EEA1: variants seen among roughly 807,000 people sequenced by gnomAD.
EEA1 encodes early endosome antigen 1.
Under a neutral mutation model 209.2 loss-of-function variants are expected in EEA1, and 111 were observed. The ratio of observed to expected loss-of-function variants is 0.53; its 90% CI spans 0.45 to 0.62. The LOEUF (loss-of-function observed/expected upper bound fraction) is 0.62, where lower values mean the gene tolerates loss of function less well. EEA1 is among the 20% of genes least tolerant of loss of function. The probability of loss-of-function intolerance (pLI) is 0.00; values close to 1 mark genes in which losing one functional copy is unlikely to be tolerated. For synonymous variants in EEA1, 536 were observed against 540.6 expected, an observed-to-expected ratio of 0.99 and a Z score of 0.12; for missense variants, 1,343 against 1,530.8, an observed-to-expected ratio of 0.88 and a Z score of 2.05.
At chr12:92,863,969 T>C (rs907871595) in intron 3 of EEA1, among the ~76,000 whole-genome samples, 4 of 152,238 alleles carry the variant, frequency 2.6e-5, no homozygotes, top group African/African-American at 9.6e-5. Flanking sequence ...ATGTTTTTAA[T>C]GTATTTCCTA....
chr12:92,782,126 C>G lies in EEA1; in HGVS notation c.3160G>C (p.Glu1054Gln), dbSNP rs1408794119. The G allele has an allele frequency of 6.3e-7, 1 of 1,595,194 alleles. No homozygotes were observed. Among genetic ancestry groups the G allele is most frequent in the East Asian group, 2.2e-5 (1 of 44,606 alleles). ...TCCTCCTGTGCTAGAGAAAGCTTCT[C>G]TTCTACAGACTTACAAAAACAATTT... ...ATRQDLKSVEEKLSLAQEDLI... is the reference protein window; with the variant it reads ...ATRQDLKSVEQKLSLAQEDLI... The change falls in exon 23 of 29, where the codon GAG (glutamate) becomes CAG (glutamine). Residue 1054 changes from glutamate to glutamine, a missense_variant. Glu to Gln is a conservative substitution (Grantham distance 29, BLOSUM62 2). Coordinates refer to ENST00000322349, the MANE Select transcript of EEA1 (RefSeq NM_003566.4).
chr12:92,784,694 TC>T, intron 22 of EEA1, among the ~76,000 whole-genome samples: 1 of 152,212 alleles, frequency 6.6e-6, no homozygotes, highest in East Asian at 1.9e-4. Flanking sequence ...TTCATCTACA[TC>T]ATTCAATGAC....
intron 3 of EEA1, chr12:92,859,388 T>C (rs1878031111): frequency 6.2e-6 from 4 of 643,492 alleles, no homozygotes; most frequent in Admixed American, 2.9e-5. Context: ...CAGCACCTGA[T>C]CAGTTGTAGT....
In EEA1 at chr12:92,921,880, A is replaced by G. The variant is rs868591275; in HGVS notation, c.24+7163T>C. ...AGACTCTGTCTCAAAAAAAAAAAAA[A>G]AAAAAAGAAAAAAAGAAAAGAAAGC... On this transcript the variant is annotated intron_variant, in intron 1 of 28. Transcript: ENST00000322349. 5.5e-3 allele frequency among the ~76,000 whole-genome samples: 799 copies of G among 146,264 alleles called. 9 individuals are homozygous for G. The highest frequency in any genetic ancestry group is 0.018 in the African/African-American group (718 of 39,030).
At chr12:92,861,379 C>A (rs1338015521) in intron 3 of EEA1, among the ~76,000 whole-genome samples, 1 of 152,152 alleles carries the variant, frequency 6.6e-6, no homozygotes, top group Non-Finnish European at 1.5e-5. Flanking sequence ...CGCTTGGACC[C>A]AGGAGGTATC....
In EEA1 at chr12:92,872,161, G is replaced by A. The variant is rs1255854247; in HGVS notation, c.118-7174C>T. ...CCTCCCAGGTTCAAGCAATTCTCCTGCCTCGGCCTCCTGAGTAGCTGAGAC... is the reference window on the plus strand; with the variant it reads ...CCTCCCAGGTTCAAGCAATTCTCCTACCTCGGCCTCCTGAGTAGCTGAGAC... On this transcript the variant is annotated intron_variant, in intron 2 of 28. Transcript: ENST00000322349. Among the ~76,000 whole-genome samples the A allele has an allele frequency of 2.0e-5, 3 of 149,694 alleles. No homozygotes were observed. The East Asian group carries it at 6.0e-4, about 30-fold the overall frequency.
chr12:92,847,613 T>C (rs1337178263), intron 9 of EEA1, among the ~76,000 whole-genome samples: 4 of 152,162 alleles, frequency 2.6e-5, no homozygotes, highest in Non-Finnish European at 5.9e-5. Context: ...GAAAAGTAAT[T>C]AACAATAAGT....
At chr12:92,797,599 T>G (rs1192734750) in intron 21 of EEA1, among the ~76,000 whole-genome samples, 2 of 152,206 alleles carry the variant, frequency 1.3e-5, no homozygotes, top group Non-Finnish European at 2.9e-5. Flanking sequence ...GTTTTTTATT[T>G]CACTAAGTTA....
Position 92,812,880 on chromosome 12 carries a change from C to T in EEA1, c.2043+100G>A, listed in dbSNP as rs1478241153. ...AATTAAGGGGGATAAGCAAGTCTAT[C>T]ACAAGATTATACAAAACTGGGTATC... On this transcript the variant is annotated intron_variant, in intron 16 of 28. Transcript: ENST00000322349. The T allele has an allele frequency of 6.7e-6, 5 of 750,600 alleles. No homozygotes were observed. The East Asian group carries it at 1.4e-4, about 22-fold the overall frequency. 46.5% of individuals were successfully genotyped at this position (750,600 alleles called of 1,614,324 possible).
At chr12:92,869,098 C>T (rs533189815) in intron 2 of EEA1, among the ~76,000 whole-genome samples, 10 of 152,046 alleles carry the variant, frequency 6.6e-5, no homozygotes, top group Non-Finnish European at 8.8e-5. Context: ...ATGAACAGAT[C>T]GCATGACCTT....
Position 92,781,941 on chromosome 12 carries a change from A to G in EEA1, c.3336+9T>C, listed in dbSNP as rs778323754. ...AAGATTGTAGATTTAGGTCAGAAAC[A>G]TGCAATACCTTTTCTTTCTGAATGT... On this transcript the variant is annotated intron_variant, in intron 23 of 28. Coordinates refer to ENST00000322349, the MANE Select transcript of EEA1 (RefSeq NM_003566.4). The G allele has an allele frequency of 1.1e-5, 17 of 1,600,882 alleles. No individual in the cohort carries two copies. The highest frequency in any genetic ancestry group is 2.2e-5 in the East Asian group (1 of 44,718).
chr12:92,927,001 A>G (rs936539366), intron 1 of EEA1, among the ~76,000 whole-genome samples: 4 of 152,194 alleles, frequency 2.6e-5, no homozygotes, highest in Non-Finnish European at 4.4e-5. Context: ...CTTAGCATGA[A>G]GCCTGGCATT....
chr12:92,800,147 A>C (rs1275171661), intron 20 of EEA1, among the ~76,000 whole-genome samples: 1 of 151,986 alleles, frequency 6.6e-6, no homozygotes, highest in Non-Finnish European at 1.5e-5. Flanking sequence ...GCTTGAACTT[A>C]GGAGGTGGAG....
At chr12:92,857,557 G>A (rs1877935695) in intron 3 of EEA1, 72 bp from the exon 4 acceptor site, 4 of 943,894 alleles carry the variant, frequency 4.2e-6, no homozygotes, top group Non-Finnish European at 4.7e-6. Context: ...AAGAAATCAT[G>A]GCTAGTAATT....
chr12:92,780,496 G>T, intron 23 of EEA1, 85 bp from the exon 24 acceptor site: 1 of 969,688 alleles, frequency 1.0e-6, no homozygotes. Context: ...TGCTACTATT[G>T]ATGACACTGG....
chr12:92,892,818 C>G (rs1203380536), intron 1 of EEA1, among the ~76,000 whole-genome samples: 1 of 152,046 alleles, frequency 6.6e-6, no homozygotes, highest in Non-Finnish European at 1.5e-5. Flanking sequence ...TTAGTGGAAA[C>G]GGGGTTTCAC....
chr12:92,853,147 G>A (rs1471342205), intron 6 of EEA1, 122 bp from the exon 7 acceptor site: 46 of 577,764 alleles, frequency 8.0e-5, no homozygotes, highest in Middle Eastern at 4.6e-4. Context: ...ATTACAAGTA[G>A]TATTTTGACA....
chr12:92,872,329 G>A (rs1878691238), intron 2 of EEA1, among the ~76,000 whole-genome samples: 1 of 152,136 alleles, frequency 6.6e-6, no homozygotes, highest in Admixed American at 6.5e-5. Flanking sequence ...GATTACAGGC[G>A]TGGGCCACCA....
intron 2 of EEA1, among the ~76,000 whole-genome samples, chr12:92,889,530 C>CAA (rs561513933): frequency 3.0e-4 from 24 of 78,756 alleles, no homozygotes; most frequent in African/African-American, 1.1e-3. Flanking sequence ...ACGCTCTTTG[C>CAA]AAAAAAAAAA....
Sources: gnomAD v4.1 joint callset for allele counts (sites outside exome capture counted in the v4.1 genomes callset) on GRCh38, gnomAD v4.1.1 for gene constraint, MANE v1.5 for transcripts, NCBI Gene and HGNC (gene_info 2026-07-23, HGNC 2026-07-21) for gene names.